The following TRIB3 variants were observed in gnomAD, a reference collection of about 807,000 sequenced individuals.
TRIB3 encodes tribbles pseudokinase 3, also known as tribbles homolog 3.
TRIB3 carries 20 observed loss-of-function variants against 16.6 expected under a neutral mutation model. The ratio of observed to expected loss-of-function variants is 1.20; its 90% CI spans 0.85 to 1.75. The LOEUF is 1.75. TRIB3 is among the 40% of genes most tolerant of loss of function. The pLI is 0.00. For synonymous variants in TRIB3, 208 were observed against 217.0 expected, an observed-to-expected ratio of 0.96 and a Z score of 0.36; for missense variants, 484 against 488.9, an observed-to-expected ratio of 0.99 and a Z score of 0.10.
intron 1 of TRIB3, 64 bp downstream of exon 1, chr20:381,233 G>A (rs3818193): frequency 0.15 from 23,449 of 152,164 alleles, 2,075 homozygotes; most frequent in East Asian, 0.25. Context: ...GGGCGGCCGG[G>A]GAAGGGGGCG....
At chr20:386,060 C>T (rs1316391164) in intron 1 of TRIB3, among the ~76,000 whole-genome samples, 1 of 152,018 alleles carries the variant, frequency 6.6e-6, no homozygotes, top group African/African-American at 2.4e-5. Context: ...GACAGGGTCT[C>T]ACTATGTTGC....
Position 391,343 on chromosome 20 carries a change from G to T in TRIB3, c.348G>T (p.Pro116=). ...AVLEPYARLP[P]HKHVARPTEV... The stretch of plus-strand genomic sequence containing the variant: ...TGGAGCCCTATGCGCGGCTGCCCCC[G>T]CACAAGCATGTGGCTCGGCCCACTG... The change falls in exon 3 of 4, where the codon CCG becomes CCT. Residue 116 remains proline, a synonymous_variant. Coordinates refer to ENST00000217233, the MANE Select transcript of TRIB3 (RefSeq NM_021158.5). 1.9e-6 allele frequency: 3 copies of T among 1,613,340 alleles called. No homozygotes were observed. Among genetic ancestry groups the T allele is most frequent in the Non-Finnish European group, 2.5e-6 (3 of 1,179,994 alleles).
Position 396,425 on chromosome 20 carries a change from G to A in TRIB3, c.812G>A (p.Gly271Asp). The change falls in exon 4 of 4, where the codon GGC (glycine) becomes GAC (aspartate). Residue 271 changes from glycine (G) to aspartate (D), a missense_variant. Transcript: ENST00000217233. ...FQDSEPVLLF[G>D]KIRRGAYALP... ...GACTCGGAGCCTGTCCTGCTCTTCG[G>A]CAAGATCCGCCGCGGGGCCTACGCC... 6.2e-7 allele frequency: 1 copy of A among 1,612,886 alleles called. No homozygotes were observed.
intron 2 of TRIB3, 39 bp downstream of exon 2, chr20:388,340 A>G (rs1366837263): frequency 7.7e-6 from 12 of 1,556,802 alleles, no homozygotes; most frequent in Non-Finnish European, 1.0e-5. Flanking sequence ...GCACCACAGG[A>G]GGCCTGGGAA....
At position 391,293 on chromosome 20, in the gene TRIB3, C is replaced by T. The variant is rs1442234441; in HGVS notation, c.298C>T (p.Pro100Ser). 2 of 1,611,776 alleles carry T rather than the reference C, an allele frequency of 1.2e-6. No individual in the cohort carries two copies. The highest frequency in any genetic ancestry group is 2.2e-5 in the South Asian group (2 of 91,022). Residue 100 changes from proline to serine, a missense_variant, in exon 3 of 4, where the codon CCC becomes TCC. Pro to Ser is a moderately conservative substitution (Grantham distance 74, BLOSUM62 -1). Coordinates refer to ENST00000217233, the MANE Select transcript of TRIB3 (RefSeq NM_021158.5). ...TGTEYTCKVY[P>S]VQEALAVLEP... ...CACCATGCTCTGCCCACAGGTGTAC[C>T]CCGTCCAGGAAGCCCTGGCCGTGCT...
intron 1 of TRIB3, among the ~76,000 whole-genome samples, chr20:382,099 C>CTGTGTG (rs5839857): frequency 0.057 from 8,051 of 142,294 alleles, 511 homozygotes; most frequent in Admixed American, 0.22. Context: ...GCTGGGAGGG[C>CTGTGTG]TGTGTGTGTG....
intron 1 of TRIB3, among the ~76,000 whole-genome samples, chr20:382,142 CTT>C (rs1166978240): frequency 2.0e-5 from 3 of 151,552 alleles, no homozygotes; most frequent in Admixed American, 2.0e-4. Context: ...CGCGCGCGCG[CTT>C]GCGCTTGATG....
chr20:392,026 A>G (rs2014994984), intron 3 of TRIB3, among the ~76,000 whole-genome samples: 1 of 152,060 alleles, frequency 6.6e-6, no homozygotes, highest in Non-Finnish European at 1.5e-5. Flanking sequence ...CATCTCAAAA[A>G]AAAAAAAAAG....
intron 1 of TRIB3, among the ~76,000 whole-genome samples, chr20:387,597 T>C (rs1272540234): frequency 6.6e-6 from 1 of 150,836 alleles, no homozygotes; most frequent in African/African-American, 2.4e-5. Flanking sequence ...CTATAACACG[T>C]AATTCTGTGT....
chr20:388,183 G>C lies in TRIB3; in HGVS notation c.173G>C (p.Arg58Pro), dbSNP rs147613161. The change falls in exon 2 of 4, where the codon CGT becomes CCT. Residue 58 changes from arginine (R) to proline (P), a missense_variant. By Grantham distance (103) the Arg-to-Pro change is moderately radical. Coordinates refer to ENST00000217233, the MANE Select transcript of TRIB3 (RefSeq NM_021158.5). ...LPLSPPTAPD[R>P]ATAVATASRL... ...CTGAGCCCACCTACTGCTCCAGATC[G>C]TGCAACTGCTGTGGCCACTGCCTCC... 3 of 1,613,862 alleles carry C rather than the reference G, an allele frequency of 1.9e-6. No individual in the cohort carries two copies. The African/African-American group carries it at 4.0e-5, about 22-fold the overall frequency.
intron 3 of TRIB3, among the ~76,000 whole-genome samples, chr20:394,913 A>G (rs1418578422): frequency 6.6e-6 from 1 of 152,200 alleles, no homozygotes; most frequent in Non-Finnish European, 1.5e-5. Flanking sequence ...GGCCCTGAGC[A>G]AATGACTTCA....
intron 1 of TRIB3, chr20:382,398 G>A: frequency 1.2e-6 from 1 of 841,996 alleles, no homozygotes; most frequent in Non-Finnish European, 1.8e-6. Flanking sequence ...TGTGGCACAG[G>A]CCAGAGGGAC....
chr20:396,536 G>T lies in TRIB3; in HGVS notation c.923G>T (p.Gly308Val). The T allele has an allele frequency of 1.2e-6, 2 of 1,613,168 alleles. No homozygotes were observed. The highest frequency in any genetic ancestry group is 1.7e-6 in the Non-Finnish European group (2 of 1,180,040). Reference protein sequence around the residue: ...REPAERLTATGILLHPWLRQD... With the variant: ...REPAERLTATVILLHPWLRQD... ...CCAGCTGAACGGCTCACAGCCACAGGCATCCTCCTGCACCCCTGGCTGCGA... is the reference window on the plus strand; with the variant it reads ...CCAGCTGAACGGCTCACAGCCACAGTCATCCTCCTGCACCCCTGGCTGCGA... The change falls in exon 4 of 4, where the codon GGC (glycine) becomes GTC (valine). Residue 308 changes from glycine (G) to valine (V), a missense_variant. By Grantham distance (109) the Gly-to-Val change is moderately radical. Coordinates refer to ENST00000217233, the MANE Select transcript of TRIB3 (RefSeq NM_021158.5).
chr20:382,099 C>CTGTGTGTGTGTG (rs5839857), intron 1 of TRIB3, among the ~76,000 whole-genome samples: 123 of 142,352 alleles, frequency 8.6e-4, no homozygotes, highest in Non-Finnish European at 1.2e-3. Context: ...GCTGGGAGGG[C>CTGTGTGTGTGTG]TGTGTGTGTG....
intron 3 of TRIB3, among the ~76,000 whole-genome samples, chr20:394,119 C>T (rs6051656): frequency 0.18 from 26,567 of 151,346 alleles, 2,865 homozygotes; most frequent in African/African-American, 0.3. Flanking sequence ...CAACCTCCAC[C>T]TCCCGGGTTC....
chr20:382,247 A>G (rs76214150), intron 1 of TRIB3, among the ~76,000 whole-genome samples: 2,017 of 152,256 alleles, frequency 0.013, 45 homozygotes, highest in African/African-American at 0.045. Context: ...CACAGATTCT[A>G]TTCTGCAGTG....
chr20:394,307 G>A (rs917843271), intron 3 of TRIB3, among the ~76,000 whole-genome samples: 39 of 152,148 alleles, frequency 2.6e-4, no homozygotes, highest in Non-Finnish European at 1.0e-4. Flanking sequence ...GGGCCGCTGC[G>A]CCCAGCCCCC....
At chr20:388,375 G>C (rs889574969) in intron 2 of TRIB3, 74 bp downstream of exon 2, 34 of 1,482,680 alleles carry the variant, frequency 2.3e-5, no homozygotes, top group Non-Finnish European at 3.0e-5. Flanking sequence ...GATTGCCAGG[G>C]TGCAGAGGGG....
intron 2 of TRIB3, among the ~76,000 whole-genome samples, chr20:391,023 A>AAT (rs1555780828): frequency 3.3e-5 from 5 of 151,284 alleles, no homozygotes; most frequent in African/African-American, 1.2e-4. Context: ...AAAAAAAAAA[A>AAT]AGCACAGACA....
Sources: allele counts gnomAD v4.1 joint callset (sites outside exome capture counted in the v4.1 genomes callset), GRCh38; gene constraint gnomAD v4.1.1; transcripts MANE v1.5; gene names NCBI Gene and HGNC (gene_info 2026-07-23, HGNC 2026-07-21).